MRE11: variants seen among roughly 807,000 people sequenced by gnomAD.
MRE11 encodes MRE11 double strand break repair nuclease.
MRE11 carries 62 observed loss-of-function variants against 91.7 expected under a neutral mutation model. The ratio of observed to expected loss-of-function variants is 0.68; its 90% CI spans 0.55 to 0.84. MRE11 has a LOEUF of 0.84. Ranked by LOEUF, MRE11 falls within the 40% of genes least tolerant of loss-of-function variation. MRE11 has a pLI of 0.00. For missense variants in MRE11, 796 were observed against 852.9 expected, an observed-to-expected ratio of 0.93 and a Z score of 0.83; for synonymous variants, 273 against 271.4, an observed-to-expected ratio of 1.01 and a Z score of -0.06.
chr11:94,425,519 T>C (rs1945289583), intron 19 of MRE11, among the ~76,000 whole-genome samples: 2 of 152,142 alleles, frequency 1.3e-5, no homozygotes, highest in Admixed American at 1.3e-4. Flanking sequence ...TGAATATAAA[T>C]TGTCTAAATG....
chr11:94,480,894 G>A (rs1946994693), intron 4 of MRE11, among the ~76,000 whole-genome samples: 1 of 152,152 alleles, frequency 6.6e-6, no homozygotes, highest in African/African-American at 2.4e-5. Flanking sequence ...TATTTTCAAA[G>A]GTTCTTAGGT....
At chr11:94,457,030 C>T (rs1230748713) in intron 13 of MRE11, among the ~76,000 whole-genome samples, 1 of 152,132 alleles carries the variant, frequency 6.6e-6, no homozygotes, top group African/African-American at 2.4e-5. Flanking sequence ...AAAAGCTGCT[C>T]TCATGGAATC....
upstream of MRE11, among the ~76,000 whole-genome samples, chr11:94,495,665 T>C (rs957212434): frequency 3.3e-5 from 5 of 152,218 alleles, no homozygotes; most frequent in African/African-American, 1.2e-4. Flanking sequence ...CTGATATTGG[T>C]TTAAAAATTA....
intron 17 of MRE11, among the ~76,000 whole-genome samples, chr11:94,436,126 G>A (rs1945604726): frequency 1.3e-5 from 2 of 152,074 alleles, no homozygotes; most frequent in African/African-American, 4.8e-5. Context: ...GCCATCCCAG[G>A]AGCCTGAGCA....
chr11:94,507,325 T>C, the MRE11 span, among the ~76,000 whole-genome samples: 1 of 152,378 alleles, frequency 6.6e-6, no homozygotes, highest in South Asian at 2.1e-4. Context: ...TATTGATGTA[T>C]TCCGTTATAT....
intron 9 of MRE11, among the ~76,000 whole-genome samples, chr11:94,469,288 G>A (rs534875362): frequency 6.6e-5 from 10 of 152,168 alleles, no homozygotes; most frequent in Non-Finnish European, 1.3e-4. Context: ...TGATCATCAC[G>A]ACCAGTTAGA....
At chr11:94,449,010 T>C (rs977590573) in intron 14 of MRE11, among the ~76,000 whole-genome samples, 3 of 152,232 alleles carry the variant, frequency 2.0e-5, no homozygotes, top group East Asian at 1.9e-4. Context: ...TCAGGTATTA[T>C]ACAGCTCTCC....
chr11:94,449,808 A>G (rs1448468070), intron 14 of MRE11, among the ~76,000 whole-genome samples: 1 of 152,224 alleles, frequency 6.6e-6, no homozygotes, highest in Admixed American at 6.5e-5. Context: ...CAATTATAAC[A>G]CCATAGCTAT....
chr11:94,478,916 A>G, intron 5 of MRE11, 40 bp from the exon 6 acceptor site: 1 of 1,604,350 alleles, frequency 6.2e-7, no homozygotes, highest in South Asian at 1.1e-5. Flanking sequence ...TGTGTATGTA[A>G]AAGTAGGTAT....
chr11:94,428,642 T>C (rs530557106), intron 19 of MRE11, among the ~76,000 whole-genome samples: 32 of 151,908 alleles, frequency 2.1e-4, no homozygotes, highest in Non-Finnish European at 3.5e-4. Context: ...GGCAGGTGGA[T>C]CATAAGGTCA....
intron 3 of MRE11, among the ~76,000 whole-genome samples, chr11:94,490,422 TA>T (rs1325307384): frequency 6.6e-6 from 1 of 152,240 alleles, no homozygotes; most frequent in Non-Finnish European, 1.5e-5. Flanking sequence ...TTTCTGCCTC[TA>T]AACTCAAAGG....
chr11:94,490,784 T>C (rs376099177), intron 3 of MRE11, 49 bp downstream of exon 3: 1 of 1,604,506 alleles, frequency 6.2e-7, no homozygotes, highest in South Asian at 1.1e-5. Flanking sequence ...AAATAACTTG[T>C]TAACCAAGGG....
intron 18 of MRE11, among the ~76,000 whole-genome samples, chr11:94,434,163 T>G (rs936209540): frequency 3.3e-5 from 5 of 152,210 alleles, no homozygotes; most frequent in Non-Finnish European, 7.3e-5. Context: ...ACCACTAAAG[T>G]GTAAATTCCT....
Position 94,435,915 on chromosome 11 carries a change from A to C in MRE11, c.1927-16T>G. The C allele has an allele frequency of 6.2e-7, 1 of 1,609,530 alleles. No individual in the cohort carries two copies. The highest frequency in any genetic ancestry group is 8.5e-7 in the Non-Finnish European group (1 of 1,176,082). On this transcript the variant is annotated splice_polypyrimidine_tract_variant and intron_variant, in intron 17 of 19. Transcript: ENST00000323929. ...CCTCAATCACCTGGCAAGGAAACAA[A>C]GCAACAAACAGTTTTTGTGAGAATA...
chr11:94,429,208 G>C (rs1216475515), intron 19 of MRE11, among the ~76,000 whole-genome samples: 1 of 152,170 alleles, frequency 6.6e-6, no homozygotes, highest in Non-Finnish European at 1.5e-5. Context: ...TAGTGAGGTT[G>C]TCAGAAAAGG....
chr11:94,467,784 A>C, intron 10 of MRE11, 29 bp downstream of exon 10: 1 of 1,540,856 alleles, frequency 6.5e-7, no homozygotes, highest in Non-Finnish European at 9.0e-7. Context: ...GAAAATTAAT[A>C]ATATTCAATC....
At chr11:94,440,492 G>A (rs953096885) in intron 16 of MRE11, among the ~76,000 whole-genome samples, 1 of 152,048 alleles carries the variant, frequency 6.6e-6, no homozygotes, top group African/African-American at 2.4e-5. Flanking sequence ...GAATTACCAG[G>A]CCAAAACTGA....
chr11:94,459,391 T>C lies in MRE11; in HGVS notation c.1500+17A>G, dbSNP rs1946352171. 3 of 1,613,502 alleles carry C rather than the reference T, an allele frequency of 1.9e-6. No homozygotes were observed. In the Admixed American group the frequency reaches 5.0e-5, roughly 27 times the overall value. On this transcript the variant is annotated intron_variant, in intron 13 of 19. Transcript: ENST00000323929. Reference sequence around the variant, plus strand: ...AGACTATTTAAATAGACCTAGACACTCAAATTAGTTACTTACCTCCTCATC... The same window carrying C: ...AGACTATTTAAATAGACCTAGACACCCAAATTAGTTACTTACCTCCTCATC...
rs191426010 is a variant in MRE11 at position 94,492,896 on chromosome 11, T to C, written c.-95A>G. The C allele has an allele frequency of 4.5e-4, 516 of 1,151,934 alleles. 1 individual carries two copies. Among genetic ancestry groups the C allele is most frequent in the Admixed American group, 6.7e-4 (34 of 50,584 alleles). 71.4% of individuals were successfully genotyped at this position (1,151,934 alleles called of 1,614,324 possible). A position where few individuals can be genotyped will look rare whatever the true frequency, so the allele number is the denominator to read the frequency against. The stretch of plus-strand genomic sequence containing the variant: ...GTCAGAAAATGCACTCGATTCCAAA[T>C]TCTAGAAATTCTAAAAACAAAATTA... On this transcript the variant is annotated 5_prime_UTR_variant, in exon 2 of 20. Transcript: ENST00000323929.
Sources: gnomAD v4.1 joint callset for allele counts (sites outside exome capture counted in the v4.1 genomes callset) on GRCh38, gnomAD v4.1.1 for gene constraint, MANE v1.5 for transcripts, NCBI Gene and HGNC (gene_info 2026-07-23, HGNC 2026-07-21) for gene names.